Variants in MYO5B observed in about 807,000 individuals in gnomAD.
MYO5B encodes the protein unconventional myosin-Vb.
In MYO5B, 143 loss-of-function variants were observed where a neutral mutation model predicts 229.3. That is an observed-to-expected ratio of 0.62 (90% CI 0.54 to 0.72). The LOEUF (loss-of-function observed/expected upper bound fraction) is 0.72. Ranked by LOEUF, MYO5B falls within the 30% of genes least tolerant of loss-of-function variation. The pLI is 0.00. For missense variants in MYO5B, 2,321 were observed against 2,331.0 expected (o/e 1.00, Z 0.09); for synonymous variants, 918 against 885.2 (o/e 1.04, Z -0.66).
intron 4 of MYO5B, among the ~76,000 whole-genome samples, chr18:50,025,527 G>A (rs986701851): frequency 6.6e-6 from 1 of 152,332 alleles, no homozygotes; most frequent in East Asian, 1.9e-4. Flanking sequence ...AAACCCTGCT[G>A]TCTCAGTGTA....
intron 4 of MYO5B, among the ~76,000 whole-genome samples, chr18:50,013,727 C>T (rs12456320): frequency 0.051 from 7,722 of 152,278 alleles, 271 homozygotes; most frequent in Middle Eastern, 0.082. Context: ...CCATTCTACC[C>T]GACTTCAAGA....
chr18:49,898,260 C>A (rs558674069), intron 21 of MYO5B, among the ~76,000 whole-genome samples: 1 of 152,042 alleles, frequency 6.6e-6, no homozygotes, highest in Non-Finnish European at 1.5e-5. Context: ...TTACATATAA[C>A]GAATTTAACA....
chr18:49,911,877 C>A (rs1393453656), intron 18 of MYO5B, among the ~76,000 whole-genome samples, 185 bp downstream of exon 18: 3 of 152,038 alleles, frequency 2.0e-5, no homozygotes, highest in Non-Finnish European at 4.4e-5. Context: ...TTGGGAAGTG[C>A]TCTAGATAAG....
Position 49,856,847 on chromosome 18 carries a change from C to T in MYO5B, c.3988G>A (p.Gly1330Ser), listed in dbSNP as rs557902503. The change falls in exon 30 of 40, where the codon GGC becomes AGC. Residue 1330 changes from glycine (G) to serine (S), a missense_variant. Gly to Ser is a moderately conservative substitution (Grantham distance 56). Coordinates refer to ENST00000285039, the MANE Select transcript of MYO5B (RefSeq NM_001080467.3). ...WGYLNEDGEL[G>S]LAYQGLKQVA... ...TGCTTTAGGCCTTGGTAGGCCAAGCCGAGTTCTCCATCTTCATTTAAATAT... is the reference window on the plus strand; with the variant it reads ...TGCTTTAGGCCTTGGTAGGCCAAGCTGAGTTCTCCATCTTCATTTAAATAT... 40 of 1,614,074 alleles carry T rather than the reference C, an allele frequency of 2.5e-5. No individual in the cohort carries two copies. Among genetic ancestry groups the T allele is most frequent in the Non-Finnish European group, 3.3e-5 (39 of 1,180,000 alleles).
chr18:50,106,764 C>G (rs895197876), intron 1 of MYO5B, among the ~76,000 whole-genome samples: 2 of 152,238 alleles, frequency 1.3e-5, no homozygotes, highest in Non-Finnish European at 2.9e-5. Flanking sequence ...GTGTCCCTGA[C>G]AGACCCAGTC....
intron 28 of MYO5B, 119 bp downstream of exon 28, chr18:49,864,022 G>A: frequency 6.8e-7 from 1 of 1,478,254 alleles, no homozygotes; most frequent in Admixed American, 1.8e-5. Context: ...AGACCCCACA[G>A]CGAGAGACTC....
In MYO5B at chr18:49,974,798, G is replaced by GACACAC. The variant is rs10680505; in HGVS notation, c.1057-189_1057-184dup. Reference sequence around the variant, plus strand: ...TCTCTCTCACACACACACACACACAGACACACACACACACACACACACACA... The same window carrying GACACAC: ...TCTCTCTCACACACACACACACACAGACACACACACACACACACACACACACACACA... On this transcript the variant is annotated intron_variant, in intron 9 of 39. Transcript: ENST00000285039. Among the ~76,000 whole-genome samples the GACACAC allele has an allele frequency of 5.4e-3, 707 of 131,090 alleles. 33 individuals are homozygous for GACACAC. In the East Asian group the frequency reaches 0.055, roughly 10 times the overall value. The allele number at this position is 131,090 out of a possible 152,430, so 86.0% of individuals were successfully genotyped here. A position where few individuals can be genotyped will look rare whatever the true frequency, so the allele number is the denominator to read the frequency against.
intron 1 of MYO5B, among the ~76,000 whole-genome samples, chr18:50,173,116 T>G (rs1053971287): frequency 1.3e-5 from 2 of 151,890 alleles, no homozygotes; most frequent in Non-Finnish European, 2.9e-5. Flanking sequence ...CACAAAAAAA[T>G]TAGCTGGGCA....
chr18:49,865,143 T>C (rs916741146), intron 27 of MYO5B, among the ~76,000 whole-genome samples: 2 of 152,140 alleles, frequency 1.3e-5, no homozygotes, highest in African/African-American at 2.4e-5. Context: ...TGAGTATGCA[T>C]TGGTTGCATG....
chr18:49,926,969 C>T (rs989537221), intron 17 of MYO5B, among the ~76,000 whole-genome samples: 1 of 152,072 alleles, frequency 6.6e-6, no homozygotes, highest in Non-Finnish European at 1.5e-5. Context: ...CTGGGATCAC[C>T]AGATTTACAG....
At chr18:50,063,859 T>G (rs1398700009) in intron 1 of MYO5B, 1 of 152,308 alleles carries the variant, frequency 6.6e-6, no homozygotes, top group Non-Finnish European at 1.5e-5. Flanking sequence ...CGAGTCTCCA[T>G]GTGGCTGATG....
At chr18:49,871,766 G>GC (rs1489562811) in intron 27 of MYO5B, 1 of 299,320 alleles carries the variant, frequency 3.3e-6, no homozygotes, top group Non-Finnish European at 6.5e-6. Flanking sequence ...CTGTTCGGAA[G>GC]CCCCTTTTCT....
At chr18:49,830,616 G>A (rs2144020029) in intron 39 of MYO5B, among the ~76,000 whole-genome samples, 1 of 152,224 alleles carries the variant, frequency 6.6e-6, no homozygotes, top group East Asian at 1.9e-4. Flanking sequence ...GGGAAGCTGA[G>A]GTGGGCAGAT....
At chr18:49,939,140 TTTTTTTTC>T (rs1267474653) in intron 14 of MYO5B, among the ~76,000 whole-genome samples, 3 of 128,104 alleles carry the variant, frequency 2.3e-5, no homozygotes, top group East Asian at 2.4e-4. Flanking sequence ...ACACTCTTTC[TTTTTTTTC>T]TTTTTTTTTT....
chr18:49,828,227 G>A (rs535485081), intron 39 of MYO5B, among the ~76,000 whole-genome samples: 43 of 152,218 alleles, frequency 2.8e-4, no homozygotes, highest in Non-Finnish European at 5.1e-4. Flanking sequence ...TGGAGGCTAG[G>A]AGGCAGTGGG....
chr18:50,043,372 T>C (rs1329957683), intron 2 of MYO5B, among the ~76,000 whole-genome samples: 1 of 73,518 alleles, frequency 1.4e-5, no homozygotes, highest in East Asian at 3.9e-4. Flanking sequence ...TATTATATAA[T>C]ATATAATATA....
chr18:50,113,325 C>G (rs1445805419), intron 1 of MYO5B, among the ~76,000 whole-genome samples: 1 of 152,200 alleles, frequency 6.6e-6, no homozygotes, highest in African/African-American at 2.4e-5. Flanking sequence ...GCCTTGCCTT[C>G]CCTCCCAAGA....
chr18:50,165,173 AAC>A (rs549290047), intron 1 of MYO5B, among the ~76,000 whole-genome samples: 1 of 152,230 alleles, frequency 6.6e-6, no homozygotes, highest in Non-Finnish European at 1.5e-5. Flanking sequence ...GCCACTGATT[AAC>A]ACTTTTAAAA....
intron 27 of MYO5B, 87 bp from the exon 28 acceptor site, chr18:49,864,467 T>C: frequency 6.4e-7 from 1 of 1,562,248 alleles, no homozygotes; most frequent in Non-Finnish European, 8.7e-7. Flanking sequence ...CCTTCTTTTG[T>C]CCACTGGGAA....
Sources: allele counts gnomAD v4.1 joint callset (sites outside exome capture counted in the v4.1 genomes callset), GRCh38; gene constraint gnomAD v4.1.1; transcripts MANE v1.5; gene names NCBI Gene and HGNC (gene_info 2026-07-23, HGNC 2026-07-21).